The following NELL1 variants were observed in gnomAD, a reference collection of about 807,000 sequenced individuals.
NELL1 encodes protein kinase C-binding protein NELL1.
A neutral mutation model predicts 107.4 loss-of-function variants in NELL1; 76 were observed. The ratio of observed to expected loss-of-function variants is 0.71; its 90% CI spans 0.59 to 0.86. The LOEUF (loss-of-function observed/expected upper bound fraction) is 0.86. Ranked by LOEUF, NELL1 falls within the 40% of genes least tolerant of loss-of-function variation. NELL1 has a pLI of 0.00. For missense variants in NELL1, 1,024 were observed against 1,005.5 expected (o/e 1.02, Z -0.25); for synonymous variants, 353 against 341.2 (o/e 1.03, Z -0.38).
intron 12 of NELL1, among the ~76,000 whole-genome samples, chr11:21,063,769 T>A (rs1042842634): frequency 1.3e-5 from 2 of 152,234 alleles, no homozygotes; most frequent in Non-Finnish European, 2.9e-5. Flanking sequence ...GATATATTAG[T>A]GAATATCAAA....
intron 2 of NELL1, among the ~76,000 whole-genome samples, chr11:20,703,955 T>G (rs1590218611): frequency 1.3e-5 from 2 of 152,310 alleles, no homozygotes; most frequent in East Asian, 3.9e-4. Flanking sequence ...AAGTGTGATG[T>G]GGTGCTGAGA....
chr11:21,027,391 G>GT (rs567938328), intron 12 of NELL1, among the ~76,000 whole-genome samples: 37 of 148,600 alleles, frequency 2.5e-4, no homozygotes, highest in Admixed American at 1.1e-3. Context: ...GATCCTGGAT[G>GT]TTTTTTTATT....
chr11:21,258,488 T>C (rs574738816), intron 14 of NELL1, among the ~76,000 whole-genome samples: 8 of 151,970 alleles, frequency 5.3e-5, no homozygotes, highest in Non-Finnish European at 1.0e-4. Flanking sequence ...TCTCATGCAA[T>C]TATGAAGGCT....
chr11:21,556,857 T>C (rs1267036550), intron 16 of NELL1, among the ~76,000 whole-genome samples: 1 of 151,910 alleles, frequency 6.6e-6, no homozygotes, highest in African/African-American at 2.4e-5. Context: ...GAAAAACAAG[T>C]ACATTCTAAT....
chr11:20,911,075 AAG>A (rs1010307268), intron 5 of NELL1, among the ~76,000 whole-genome samples: 6 of 152,194 alleles, frequency 3.9e-5, no homozygotes, highest in African/African-American at 1.4e-4. Context: ...GGATATGATT[AAG>A]AGAGAGAGAA....
chr11:20,950,446 C>A (rs1426225720), intron 11 of NELL1, among the ~76,000 whole-genome samples: 5 of 152,312 alleles, frequency 3.3e-5, no homozygotes, highest in Non-Finnish European at 4.4e-5. Flanking sequence ...GTAACATAAT[C>A]ATCTCTCACA....
At chr11:21,496,260 T>A (rs7111261) in intron 15 of NELL1, among the ~76,000 whole-genome samples, 9,339 of 151,994 alleles carry the variant, frequency 0.061, 992 homozygotes, top group African/African-American at 0.21. Context: ...CCCATATAAT[T>A]ATTTTAATCT....
chr11:21,202,915 C>T (rs1326414296), intron 13 of NELL1, among the ~76,000 whole-genome samples: 1 of 151,846 alleles, frequency 6.6e-6, no homozygotes, highest in African/African-American at 2.4e-5. Context: ...GTTGTTCAGT[C>T]TCCATGTAGT....
chr11:20,777,370 A>G (rs531660457), intron 2 of NELL1, among the ~76,000 whole-genome samples: 7 of 152,350 alleles, frequency 4.6e-5, no homozygotes, highest in Admixed American at 3.3e-4. Flanking sequence ...TTCTGGAACA[A>G]ATGGAGGTTT....
At chr11:21,506,434 A>G (rs1855281012) in intron 15 of NELL1, among the ~76,000 whole-genome samples, 1 of 152,196 alleles carries the variant, frequency 6.6e-6, no homozygotes, top group South Asian at 2.1e-4. Flanking sequence ...TAAGAAAATA[A>G]TACAGTATAA....
At chr11:20,998,419 T>A (rs1852138973) in intron 12 of NELL1, among the ~76,000 whole-genome samples, 1 of 152,238 alleles carries the variant, frequency 6.6e-6, no homozygotes, top group Admixed American at 6.5e-5. Flanking sequence ...TTACCCCTTC[T>A]GAAGTTTCTT....
intron 5 of NELL1, among the ~76,000 whole-genome samples, chr11:20,904,257 A>G (rs892050071): frequency 2.6e-5 from 4 of 152,018 alleles, no homozygotes; most frequent in African/African-American, 9.7e-5. Context: ...GATTTATTGC[A>G]TATTTCAAAA....
chr11:20,694,099 C>G (rs886641431), intron 2 of NELL1, among the ~76,000 whole-genome samples: 4 of 152,150 alleles, frequency 2.6e-5, no homozygotes, highest in African/African-American at 9.7e-5. Flanking sequence ...GCTCTGCATT[C>G]TTCACATAGT....
At chr11:20,952,449 T>C in intron 11 of NELL1, among the ~76,000 whole-genome samples, 1 of 152,128 alleles carries the variant, frequency 6.6e-6, no homozygotes, top group East Asian at 1.9e-4. Context: ...GTCTTCCTCA[T>C]TGTTTTGGGT....
chr11:21,157,402 G>A (rs1167797988), intron 13 of NELL1, among the ~76,000 whole-genome samples: 1 of 152,102 alleles, frequency 6.6e-6, no homozygotes, highest in Non-Finnish European at 1.5e-5. Flanking sequence ...CAAGCATTGT[G>A]TATGAAAGCA....
intron 12 of NELL1, among the ~76,000 whole-genome samples, chr11:21,076,821 TTCTC>T (rs1207301003): frequency 6.6e-6 from 1 of 151,994 alleles, no homozygotes; most frequent in African/African-American, 2.4e-5. Context: ...CTCCCCATCT[TTCTC>T]TCTCTCTGCT....
rs183737334 is a variant in NELL1, at chr11:21,573,521, C to T, written c.2382+112C>T. On this transcript the variant is annotated intron_variant, in intron 19 of 19. Transcript: ENST00000357134. ...ACAGGTTCAATGGACATGGTGGAAA[C>T]TCTGGCATACATTTACTTCTCATAG... The T allele has an allele frequency of 1.9e-4, 168 of 893,288 alleles. 3 individuals are homozygous for T. The Middle Eastern group carries it at 2.1e-3, about 11-fold the overall frequency. The allele number at this position is 893,288 out of a possible 1,614,324, so 55.3% of individuals were successfully genotyped here.
chr11:21,138,076 T>C (rs146094419), intron 13 of NELL1, among the ~76,000 whole-genome samples: 1,597 of 152,280 alleles, frequency 0.01, 24 homozygotes, highest in African/African-American at 0.036. Flanking sequence ...GGAGAGAACC[T>C]GATGGCATTA....
chr11:21,508,955 A>G (rs1275861218), intron 15 of NELL1, among the ~76,000 whole-genome samples: 2 of 152,156 alleles, frequency 1.3e-5, no homozygotes, highest in African/African-American at 4.8e-5. Flanking sequence ...ATGTCCCTCA[A>G]AGAAAACTGC....
Sources: allele counts gnomAD v4.1 joint callset (sites outside exome capture counted in the v4.1 genomes callset), GRCh38; gene constraint gnomAD v4.1.1; transcripts MANE v1.5; gene names NCBI Gene and HGNC (gene_info 2026-07-23, HGNC 2026-07-21).